The following QTMAN variants were observed in gnomAD, a reference collection of about 807,000 sequenced individuals.
QTMAN encodes the protein queuosine-tRNA mannosyltransferase.
chr2:144,291,873 C>T, the QTMAN span, among the ~76,000 whole-genome samples: 101 of 152,284 alleles, frequency 6.6e-4, no homozygotes, highest in African/African-American at 2.3e-3. Context: ...CATGCCTCTA[C>T]AGTATTACTT....
the QTMAN span, among the ~76,000 whole-genome samples, chr2:144,232,768 A>G: frequency 6.6e-6 from 1 of 152,192 alleles, no homozygotes; most frequent in Non-Finnish European, 1.5e-5. Flanking sequence ...AAACATATTT[A>G]CATTGTGAGG....
At chr2:144,329,441 C>T in the QTMAN span, among the ~76,000 whole-genome samples, 2 of 152,110 alleles carry the variant, frequency 1.3e-5, no homozygotes, top group Non-Finnish European at 2.9e-5. Context: ...AGTAAAGTTA[C>T]GTTCCTTATA....
At chr2:144,097,989 T>C in the QTMAN span, among the ~76,000 whole-genome samples, 1 of 152,214 alleles carries the variant, frequency 6.6e-6, no homozygotes, top group African/African-American at 2.4e-5. Context: ...ATACTCTGTC[T>C]CTCTGCACTT....
chr2:144,091,393 T>A, the QTMAN span, among the ~76,000 whole-genome samples: 1 of 152,158 alleles, frequency 6.6e-6, no homozygotes, highest in Non-Finnish European at 1.5e-5. Flanking sequence ...ATGTGATGTA[T>A]AAAATAAAAT....
At chr2:144,228,892 A>C in the QTMAN span, among the ~76,000 whole-genome samples, 1 of 152,126 alleles carries the variant, frequency 6.6e-6, no homozygotes, top group Non-Finnish European at 1.5e-5. Context: ...CGGGAGGCGG[A>C]GGTTGTGGTG....
At chr2:144,297,656 C>A in the QTMAN span, among the ~76,000 whole-genome samples, 1 of 149,018 alleles carries the variant, frequency 6.7e-6, no homozygotes, top group African/African-American at 2.5e-5. Context: ...TCTTGGCTCA[C>A]TGCAATCTCC....
chr2:144,287,924 G>A, the QTMAN span, among the ~76,000 whole-genome samples: 4 of 151,766 alleles, frequency 2.6e-5, no homozygotes, highest in South Asian at 2.1e-4. Flanking sequence ...GTGCGATCTC[G>A]GCTCACTGCA....
chr2:144,177,505 C>T, the QTMAN span, among the ~76,000 whole-genome samples: 5 of 152,056 alleles, frequency 3.3e-5, no homozygotes, highest in East Asian at 5.8e-4. Context: ...CAAATGCATA[C>T]GAGGAGTTGG....
the QTMAN span, among the ~76,000 whole-genome samples, chr2:144,267,729 G>T: frequency 3.3e-5 from 5 of 152,340 alleles, no homozygotes; most frequent in Admixed American, 3.3e-4. Context: ...TTATATTTAA[G>T]TAGTAAAACA....
chr2:144,205,150 A>AAAG, the QTMAN span, among the ~76,000 whole-genome samples: 2 of 152,208 alleles, frequency 1.3e-5, no homozygotes, highest in Non-Finnish European at 2.9e-5. Flanking sequence ...ATAATTAAAA[A>AAAG]AAGAAGAAGA....
the QTMAN span, among the ~76,000 whole-genome samples, chr2:144,302,564 A>T: frequency 3.9e-5 from 6 of 152,328 alleles, no homozygotes; most frequent in South Asian, 1.2e-3. Flanking sequence ...ATCAGGATAC[A>T]CCTGCCAAAT....
At chr2:143,948,945 G>C in the QTMAN span, among the ~76,000 whole-genome samples, 2 of 151,962 alleles carry the variant, frequency 1.3e-5, no homozygotes, top group Non-Finnish European at 2.9e-5. Context: ...TACATGTCTC[G>C]ACAATACAAG....
chr2:144,214,626 G>A, the QTMAN span, among the ~76,000 whole-genome samples: 2 of 152,258 alleles, frequency 1.3e-5, no homozygotes, highest in Admixed American at 1.3e-4. Flanking sequence ...TGACAAAGAT[G>A]TGGTAAGCTA....
At chr2:144,199,045 T>C in the QTMAN span, among the ~76,000 whole-genome samples, 1 of 151,582 alleles carries the variant, frequency 6.6e-6, no homozygotes, top group East Asian at 1.9e-4. Flanking sequence ...TTCTCTGTAC[T>C]GTACTTTTTT....
At chr2:144,268,940 C>T in the QTMAN span, among the ~76,000 whole-genome samples, 45 of 152,262 alleles carry the variant, frequency 3.0e-4, no homozygotes, top group Non-Finnish European at 5.9e-4. Flanking sequence ...CAGGCACCTG[C>T]CATCATGCCC....
chr2:144,096,846 A>G, the QTMAN span, among the ~76,000 whole-genome samples: 1 of 152,234 alleles, frequency 6.6e-6, no homozygotes, highest in South Asian at 2.1e-4. Context: ...TGCACATTTC[A>G]GTTTAAAACA....
At chr2:144,229,325 T>C in the QTMAN span, among the ~76,000 whole-genome samples, 6 of 152,380 alleles carry the variant, frequency 3.9e-5, no homozygotes, top group African/African-American at 1.2e-4. Flanking sequence ...CTGCCTTTTT[T>C]GTTGAAATAT....
chr2:144,203,618 G>C, the QTMAN span, among the ~76,000 whole-genome samples: 5 of 152,150 alleles, frequency 3.3e-5, no homozygotes, highest in Admixed American at 1.3e-4. Flanking sequence ...AAGATTAAGA[G>C]AACATCACAG....
chr2:144,222,716 G>A, the QTMAN span, among the ~76,000 whole-genome samples: 1 of 152,114 alleles, frequency 6.6e-6, no homozygotes, highest in Non-Finnish European at 1.5e-5. Flanking sequence ...GCTGAGGCAG[G>A]AGAATGGAGT....
Sources: gnomAD v4.1 joint callset for allele counts (sites outside exome capture counted in the v4.1 genomes callset) on GRCh38, gnomAD v4.1.1 for gene constraint, MANE v1.5 for transcripts, NCBI Gene and HGNC (gene_info 2026-07-23, HGNC 2026-07-21) for gene names.